NHEJ1: variants seen among roughly 807,000 people sequenced by gnomAD.
NHEJ1 encodes non-homologous end-joining factor 1.
Under a neutral mutation model 39.4 loss-of-function variants are expected in NHEJ1, and 22 were observed. The ratio of observed to expected loss-of-function variants is 0.56; its 90% CI spans 0.40 to 0.80. NHEJ1 has a LOEUF of 0.80. Among genes scored for constraint, NHEJ1 ranks in the 30% least tolerant of loss-of-function variants. NHEJ1 has a pLI of 0.00. For synonymous variants in NHEJ1, 154 were observed against 135.6 expected (o/e 1.14, Z -0.94); for missense variants, 329 against 357.1 (o/e 0.92, Z 0.63).
At chr2:219,096,542 T>C (rs1949210095) in intron 5 of NHEJ1, among the ~76,000 whole-genome samples, 1 of 152,180 alleles carries the variant, frequency 6.6e-6, no homozygotes, top group African/African-American at 2.4e-5. Context: ...AAATGTTCAA[T>C]GCAATGGGGG....
chr2:219,133,018 A>G (rs1949593215), intron 5 of NHEJ1, among the ~76,000 whole-genome samples: 1 of 152,222 alleles, frequency 6.6e-6, no homozygotes, highest in Non-Finnish European at 1.5e-5. Context: ...TTCTAAATAG[A>G]AAAACAAATA....
chr2:219,115,321 A>AT (rs1171724856), intron 5 of NHEJ1, among the ~76,000 whole-genome samples: 3 of 152,244 alleles, frequency 2.0e-5, no homozygotes, highest in Non-Finnish European at 4.4e-5. Context: ...AAAAGTGGCC[A>AT]TGCTATTACA....
In NHEJ1 at chr2:219,157,550, C is replaced by T. The variant is rs1023576411; in HGVS notation, c.312G>A (p.Leu104=). 2.5e-6 allele frequency: 4 copies of T among 1,614,068 alleles called. No individual in the cohort carries two copies. The highest frequency in any genetic ancestry group is 3.4e-6 in the Non-Finnish European group (4 of 1,180,046). Residue 104 remains leucine (L), a synonymous_variant, in exon 3 of 8, where the codon CTG becomes CTA. Coordinates refer to ENST00000356853, the MANE Select transcript of NHEJ1 (RefSeq NM_024782.3). The stretch of plus-strand genomic sequence containing the variant: ...AGAGCTCACTTCGCACCCGTAGAAT[C>T]AGTGCATCTGCCACACAATCACAGG... ...TFSCDCVADA[L]ILRVRSELSG...
chr2:219,116,922 C>A (rs1949421248), intron 5 of NHEJ1, among the ~76,000 whole-genome samples: 14 of 152,128 alleles, frequency 9.2e-5, no homozygotes, highest in Admixed American at 8.5e-4. Flanking sequence ...ACAGGAAGGG[C>A]TAGGGCAAAC....
At chr2:219,104,509 C>A (rs190881810) in intron 5 of NHEJ1, among the ~76,000 whole-genome samples, 1 of 152,022 alleles carries the variant, frequency 6.6e-6, no homozygotes, top group Non-Finnish European at 1.5e-5. Context: ...CAGAGGTTCC[C>A]TAGGAAACAA....
chr2:219,126,655 A>G (rs889733107), intron 5 of NHEJ1, among the ~76,000 whole-genome samples: 6 of 152,206 alleles, frequency 3.9e-5, no homozygotes, highest in Non-Finnish European at 7.3e-5. Context: ...GGAACTTACC[A>G]CCTAGTAGGA....
At position 219,158,148 on chromosome 2, in the gene NHEJ1, C is replaced by T. The variant is rs573211335; in HGVS notation, c.177+38G>A. 1.7e-5 allele frequency: 28 copies of T among 1,611,768 alleles called. No individual in the cohort carries two copies. In the African/African-American group the frequency reaches 3.6e-4, roughly 21 times the overall value. ...ACAGGCCAGCAAGCTGGTTGATGTT[C>T]ACATCCCCGACACAGCAGTACTTCT... On this transcript the variant is annotated intron_variant, in intron 2 of 7. Transcript: ENST00000356853.
chr2:219,137,399 T>G (rs1156842500), intron 5 of NHEJ1, among the ~76,000 whole-genome samples: 1 of 151,932 alleles, frequency 6.6e-6, no homozygotes, highest in Non-Finnish European at 1.5e-5. Context: ...CATATGTCAA[T>G]TCTCCAGTCA....
At chr2:219,087,666 C>G (rs544940706) in intron 5 of NHEJ1, among the ~76,000 whole-genome samples, 3 of 152,234 alleles carry the variant, frequency 2.0e-5, no homozygotes, top group African/African-American at 7.2e-5. Flanking sequence ...CCACCTCCCC[C>G]ACCTGCCACA....
chr2:219,093,228 C>A (rs552391900), intron 5 of NHEJ1, among the ~76,000 whole-genome samples: 2 of 152,210 alleles, frequency 1.3e-5, no homozygotes, highest in South Asian at 4.1e-4. Flanking sequence ...AGCCACCTGT[C>A]CTCTACATAG....
At chr2:219,139,384 G>A (rs1949668781) in intron 5 of NHEJ1, among the ~76,000 whole-genome samples, 1 of 152,106 alleles carries the variant, frequency 6.6e-6, no homozygotes, top group Non-Finnish European at 1.5e-5. Context: ...CACCCCACCT[G>A]GCCTTGGTCT....
Position 219,159,548 on chromosome 2 carries a change from T to C in NHEJ1, c.-1+1172A>G, listed in dbSNP as rs566671518. Among the ~76,000 whole-genome samples, 42 of 15,132 alleles carry C rather than the reference T, an allele frequency of 2.8e-3. 1 individual carries two copies. Among genetic ancestry groups the C allele is most frequent in the African/African-American group, 4.2e-3 (39 of 9,220 alleles). 9.9% of individuals were successfully genotyped at this position (15,132 alleles called of 152,430 possible). A position where few individuals can be genotyped will look rare whatever the true frequency, so the allele number is the denominator to read the frequency against. On this transcript the variant is annotated intron_variant, in intron 1 of 7. Transcript: ENST00000356853. ...ATGCATATATATATGCATATATATA[T>C]ATGCATATATATATGCATATATATA... is the stretch of plus-strand genomic sequence containing the variant.
At chr2:219,108,017 ACTG>A (rs1317542961) in intron 5 of NHEJ1, among the ~76,000 whole-genome samples, 2 of 151,768 alleles carry the variant, frequency 1.3e-5, no homozygotes, top group Non-Finnish European at 2.9e-5. Flanking sequence ...CTGCGCCATG[ACTG>A]CTATTTATAG....
intron 3 of NHEJ1, among the ~76,000 whole-genome samples, chr2:219,155,452 T>A (rs1486183500): frequency 6.6e-6 from 1 of 151,718 alleles, no homozygotes; most frequent in Non-Finnish European, 1.5e-5. Context: ...ATTTTTTAAA[T>A]TTATTAAATT....
intron 5 of NHEJ1, among the ~76,000 whole-genome samples, chr2:219,126,947 C>T (rs1388833593): frequency 6.6e-6 from 1 of 152,080 alleles, no homozygotes; most frequent in Non-Finnish European, 1.5e-5. Flanking sequence ...AAGTGTAGAT[C>T]TAAGAAGCAA....
At chr2:219,118,021 A>G (rs1174808558) in intron 5 of NHEJ1, among the ~76,000 whole-genome samples, 1 of 152,180 alleles carries the variant, frequency 6.6e-6, no homozygotes, top group Non-Finnish European at 1.5e-5. Context: ...TATTCTATGC[A>G]GTTCCCTTTC....
chr2:219,138,740 G>A (rs1469234367), intron 5 of NHEJ1, among the ~76,000 whole-genome samples: 2 of 152,186 alleles, frequency 1.3e-5, no homozygotes, highest in Non-Finnish European at 2.9e-5. Context: ...GTAGAGGATG[G>A]TAAGATGAAA....
intron 5 of NHEJ1, among the ~76,000 whole-genome samples, chr2:219,101,440 C>G (rs566307766): frequency 2.3e-4 from 35 of 150,726 alleles, no homozygotes; most frequent in African/African-American, 8.3e-4. Context: ...GTGACAGGGT[C>G]TTGCTCAGCT....
In NHEJ1 at chr2:219,076,158, A is replaced by C; in HGVS notation, c.*223T>G. ...AACCTGAACCTACAGAACCTCCACC[A>C]AAAGAGAGGAGAGCACGGGATTCTC... On this transcript the variant is annotated 3_prime_UTR_variant, in exon 8 of 8. Coordinates refer to ENST00000356853, the MANE Select transcript of NHEJ1 (RefSeq NM_024782.3). 1.0e-6 allele frequency: 1 copy of C among 989,612 alleles called. No homozygotes were observed. The highest frequency in any genetic ancestry group is 1.4e-6 in the Non-Finnish European group (1 of 690,568). The allele number at this position is 989,612 out of a possible 1,614,324, so 61.3% of individuals were successfully genotyped here. A position where few individuals can be genotyped will look rare whatever the true frequency, so the allele number is the denominator to read the frequency against.
Sources: allele counts gnomAD v4.1 joint callset (sites outside exome capture counted in the v4.1 genomes callset), GRCh38; gene constraint gnomAD v4.1.1; transcripts MANE v1.5; gene names NCBI Gene and HGNC (gene_info 2026-07-23, HGNC 2026-07-21).